RYR1: variants seen among roughly 807,000 people sequenced by gnomAD.
RYR1 encodes ryanodine receptor 1, also known as central core disease of muscle.
In RYR1, 342 loss-of-function variants were observed where a neutral mutation model predicts 583.5. The ratio of observed to expected loss-of-function variants is 0.59; its 90% CI spans 0.54 to 0.64. The LOEUF is 0.64. RYR1 is among the 30% of genes least tolerant of loss of function. The pLI is 0.00. For missense variants in RYR1, 6,032 were observed against 6,917.2 expected (o/e 0.87, Z 4.54); for synonymous variants, 2,791 against 2,822.5 (o/e 0.99, Z 0.35).
intron 24 of RYR1, among the ~76,000 whole-genome samples, chr19:38,467,329 A>C (rs1968164305): frequency 6.6e-6 from 1 of 152,042 alleles, no homozygotes; most frequent in Non-Finnish European, 1.5e-5. Context: ...AACTCTGACC[A>C]GTTCACTGAG....
chr19:38,571,353 A>G (rs1361401860), intron 94 of RYR1, among the ~76,000 whole-genome samples: 1 of 152,126 alleles, frequency 6.6e-6, no homozygotes. Flanking sequence ...AGGATAAGGC[A>G]CCAGGCACAG....
chr19:38,476,911 G>A (rs1411898114), intron 29 of RYR1, among the ~76,000 whole-genome samples: 6 of 152,076 alleles, frequency 3.9e-5, no homozygotes, highest in African/African-American at 9.7e-5. Context: ...GCTCACACCC[G>A]TAGTCCCAGA....
At chr19:38,511,038 G>A (rs1970704577) in intron 60 of RYR1, among the ~76,000 whole-genome samples, 1 of 152,214 alleles carries the variant, frequency 6.6e-6, no homozygotes, top group South Asian at 2.1e-4. Flanking sequence ...GCTCATGCCT[G>A]TAATTCCAAC....
intron 1 of RYR1, among the ~76,000 whole-genome samples, chr19:38,435,934 G>T (rs1306673746): frequency 6.6e-6 from 1 of 152,102 alleles, no homozygotes; most frequent in Non-Finnish European, 1.5e-5. Context: ...TTGAGATGGA[G>T]TTTCACTCTT....
rs952342999 is a variant in RYR1 at position 38,526,895 on chromosome 19, C to A, written c.10627-98C>A. On this transcript the variant is annotated intron_variant, in intron 71 of 105. Coordinates refer to ENST00000359596, the MANE Select transcript of RYR1 (RefSeq NM_000540.3). ...CCCCACCCCCACCCCAGAAAAACCT[C>A]TTCAGTTCCTGGGGTGCTGGGCCTG... is the stretch of plus-strand genomic sequence containing the variant. 10 of 1,350,400 alleles carry A rather than the reference C, an allele frequency of 7.4e-6. No individual in the cohort carries two copies. The African/African-American group carries it at 1.0e-4, about 14-fold the overall frequency. The allele number at this position is 1,350,400 out of a possible 1,614,324, so 83.7% of individuals were successfully genotyped here.
chr19:38,498,077 G>A (rs908811853), intron 42 of RYR1, among the ~76,000 whole-genome samples: 3 of 152,188 alleles, frequency 2.0e-5, no homozygotes, highest in Non-Finnish European at 2.9e-5. Context: ...AGCATTCTAG[G>A]CAGCGGGAAC....
rs898280777 is a variant in RYR1 at position 38,473,578 on chromosome 19, C to T, written c.3967C>T (p.Arg1323Trp). 5 of 1,593,636 alleles carry T rather than the reference C, an allele frequency of 3.1e-6. No individual in the cohort carries two copies. Among genetic ancestry groups the T allele is most frequent in the African/African-American group, 1.3e-5 (1 of 74,546 alleles). The change falls in exon 28 of 106, where the codon CGG (arginine) becomes TGG (tryptophan). Residue 1323 changes from arginine (R) to tryptophan (W), a missense_variant. Physicochemically the swap from Arg to Trp is moderately radical, Grantham distance 101. Around this residue, in one of 11 missense-constraint regions of RYR1, gnomAD observed 2,627 missense variants for 2,961.3 expected, o/e 0.89. Transcript: ENST00000359596. Reference sequence around the variant, plus strand: ...GCAGCCCCCCGCCGAGGACGAGGCCCGGGCGGCGGAACCCGACCCTGACTA... The same window carrying T: ...GCAGCCCCCCGCCGAGGACGAGGCCTGGGCGGCGGAACCCGACCCTGACTA... ...GLQPPAEDEA[R>W]AAEPDPDYEN... is the part of the protein sequence containing the mutation.
Position 38,565,147 on chromosome 19 carries a change from C to T in RYR1, c.12813C>T (p.Gly4271=), listed in dbSNP as rs750757411. ...EDEGAGAAEA[G]AEGAEEGAAG... ...AGGGCGCGGGCGCGGCGGAGGCGGG[C>T]GCGGAAGGCGCGGAGGAGGGCGCGG... Residue 4271 remains glycine (G), a synonymous_variant, in exon 91 of 106, where the codon GGC becomes GGT. Coordinates refer to ENST00000359596, the MANE Select transcript of RYR1 (RefSeq NM_000540.3). The surrounding 1 kb of genome is among the most constrained non-coding windows in gnomAD (Gnocchi z 4.7). The T allele has an allele frequency of 3.0e-5, 45 of 1,516,036 alleles. No individual in the cohort carries two copies. In the East Asian group the frequency reaches 9.3e-4, roughly 31 times the overall value. 93.9% of individuals were successfully genotyped at this position (1,516,036 alleles called of 1,614,324 possible).
intron 89 of RYR1, among the ~76,000 whole-genome samples, chr19:38,555,281 T>C (rs192905605): frequency 1.3e-5 from 2 of 152,006 alleles, no homozygotes; most frequent in Admixed American, 1.3e-4. Context: ...CGAAACCCTG[T>C]CTCCACTAAA....
chr19:38,458,312 GGACCCTCACCCCTGACCATT>G lies in RYR1; in HGVS notation c.2167+26_2167+45del, dbSNP rs1967533342. On this transcript the variant is annotated intron_variant, in intron 18 of 105. Coordinates refer to ENST00000359596, the MANE Select transcript of RYR1 (RefSeq NM_000540.3). ...GGACAGGTACCTGACCCCTTCCAGGGGACCCTCACCCCTGACCATTGACCCCAGCATTTCTAAGTCTCTGA... is the reference window on the plus strand; with the variant it reads ...GGACAGGTACCTGACCCCTTCCAGGGGACCCCAGCATTTCTAAGTCTCTGA... 1.2e-6 allele frequency: 2 copies of G among 1,611,782 alleles called. No homozygotes were observed. The highest frequency in any genetic ancestry group is 2.2e-5 in the East Asian group (1 of 44,852).
At chr19:38,451,964 A>G in intron 12 of RYR1, 79 bp downstream of exon 12, 1 of 1,590,378 alleles carries the variant, frequency 6.3e-7, no homozygotes, top group Admixed American at 1.7e-5. Context: ...GGCCTCTTTC[A>G]TCTCTACCTC....
At chr19:38,455,979 T>G (rs1225387250) in intron 16 of RYR1, among the ~76,000 whole-genome samples, 1 of 147,844 alleles carries the variant, frequency 6.8e-6, no homozygotes, top group African/African-American at 2.5e-5. Flanking sequence ...TTTTTTTTTT[T>G]TTTTTTTTTT....
intron 91 of RYR1, 27 bp from the exon 92 acceptor site, chr19:38,566,884 C>A (rs764196257): frequency 6.3e-7 from 1 of 1,591,566 alleles, no homozygotes; most frequent in South Asian, 1.1e-5. Context: ...GGTGAGGACT[C>A]AGCCCTGATG....
chr19:38,453,408 C>T (rs1046089902), intron 13 of RYR1, among the ~76,000 whole-genome samples: 1 of 147,642 alleles, frequency 6.8e-6, no homozygotes, highest in Non-Finnish European at 1.5e-5. Flanking sequence ...GCCGACTCAG[C>T]GGGCGGGGTC....
chr19:38,514,911 C>T lies in RYR1; in HGVS notation c.9473-115C>T. 4.1e-6 allele frequency: 3 copies of T among 727,662 alleles called. No individual in the cohort carries two copies. The South Asian group carries it at 4.4e-5, about 11-fold the overall frequency. The allele number at this position is 727,662 out of a possible 1,614,324, so 45.1% of individuals were successfully genotyped here. ...ACAAGACTCGTACATGGAAGGCTGG[C>T]TGTACATCTGCTTGCTCTTCCCCAC... is the stretch of plus-strand genomic sequence containing the variant. On this transcript the variant is annotated intron_variant, in intron 63 of 105. Coordinates refer to ENST00000359596, the MANE Select transcript of RYR1 (RefSeq NM_000540.3).
In RYR1 at chr19:38,490,616, C is replaced by G. The variant is rs369996114; in HGVS notation, c.6016-5C>G. On this transcript the variant is annotated splice_polypyrimidine_tract_variant and splice_region_variant and intron_variant, in intron 36 of 105. Transcript: ENST00000359596. Reference sequence around the variant, plus strand: ...CCCTCATTCTAATCTTTGACCTTCCCCTAGATCAATATGCTATTGCAATTC... The same window carrying G: ...CCCTCATTCTAATCTTTGACCTTCCGCTAGATCAATATGCTATTGCAATTC... The G allele has an allele frequency of 8.9e-6, 14 of 1,575,534 alleles. No individual in the cohort carries two copies. The highest frequency in any genetic ancestry group is 1.1e-5 in the Non-Finnish European group (13 of 1,145,032).
Position 38,536,773 on chromosome 19 carries a change from T to A in RYR1, c.11608+6T>A. On this transcript the variant is annotated splice_donor_region_variant and intron_variant, in intron 83 of 105. Transcript: ENST00000359596. Reference sequence around the variant, plus strand: ...AGTCATCAATCGCCAGAACGGTAATTCCCCCAGCCCACCCCCGTGCTGTGC... The same window carrying A: ...AGTCATCAATCGCCAGAACGGTAATACCCCCAGCCCACCCCCGTGCTGTGC... The A allele has an allele frequency of 6.2e-7, 1 of 1,613,638 alleles. No individual in the cohort carries two copies. Among genetic ancestry groups the A allele is most frequent in the Non-Finnish European group, 8.5e-7 (1 of 1,179,826 alleles).
At chr19:38,450,773 C>CAATAAATAAATAAATAAATA (rs373753347) in intron 11 of RYR1, among the ~76,000 whole-genome samples, 1,659 of 150,190 alleles carry the variant, frequency 0.011, 21 homozygotes, top group African/African-American at 0.03. Flanking sequence ...AACGTGGAAA[C>CAATAAATAAATAAATAAATA]AATAAATAAA....
At chr19:38,464,603 G>A (rs535853723) in intron 22 of RYR1, 36 bp from the exon 23 acceptor site, 2 of 1,540,744 alleles carry the variant, frequency 1.3e-6, no homozygotes, top group South Asian at 1.2e-5. Context: ...GAGCTCTGAG[G>A]GGCGTGACCT....
Sources: gnomAD v4.1 joint callset for allele counts (sites outside exome capture counted in the v4.1 genomes callset) on GRCh38, gnomAD v4.1.1 for gene constraint, gnomAD v4.1.1 regional missense constraint, Gnocchi (gnomAD v3.1) non-coding constraint, MANE v1.5 for transcripts, NCBI Gene and HGNC (gene_info 2026-07-23, HGNC 2026-07-21) for gene names.